Variants in UNC5C observed in about 807,000 individuals in gnomAD.
UNC5C encodes the protein netrin receptor UNC5C.
UNC5C carries 47 observed loss-of-function variants against 99.8 expected under a neutral mutation model. The observed-to-expected ratio is 0.47, with a 90% CI of 0.37 to 0.60. The LOEUF is 0.60. Ranked by LOEUF, UNC5C falls within the 20% of genes least tolerant of loss-of-function variation. UNC5C has a pLI of 0.00. For missense variants in UNC5C, 1,062 were observed against 1,165.9 expected (o/e 0.91, Z 1.30); for synonymous variants, 487 against 452.2 (o/e 1.08, Z -0.98).
chr4:95,469,713 T>C (rs1412867898), intron 1 of UNC5C, among the ~76,000 whole-genome samples: 2 of 152,122 alleles, frequency 1.3e-5, no homozygotes, highest in African/African-American at 4.8e-5. Context: ...TTTTTCTGCT[T>C]CTTGGGAGCA....
At chr4:95,475,539 A>G (rs1319680040) in intron 1 of UNC5C, among the ~76,000 whole-genome samples, 2 of 150,324 alleles carry the variant, frequency 1.3e-5, no homozygotes, top group Non-Finnish European at 2.9e-5. Flanking sequence ...AGACAGATAG[A>G]CAGACAGATG....
At chr4:95,249,036 C>T (rs1209442471) in intron 5 of UNC5C, among the ~76,000 whole-genome samples, 2 of 152,066 alleles carry the variant, frequency 1.3e-5, no homozygotes, top group East Asian at 3.9e-4. Context: ...TTTATAGCAC[C>T]TTTTCTATGT....
intron 3 of UNC5C, among the ~76,000 whole-genome samples, chr4:95,298,780 C>A (rs1019239514): frequency 1.2e-4 from 19 of 152,092 alleles, no homozygotes; most frequent in African/African-American, 4.3e-4. Context: ...TAGTACCAAC[C>A]CCAATACCCA....
At position 95,381,327 on chromosome 4, in the gene UNC5C, C is replaced by T. The variant is rs374614973; in HGVS notation, c.125-45696G>A. Among the ~76,000 whole-genome samples the T allele has an allele frequency of 2.4e-4, 37 of 152,148 alleles. No individual in the cohort carries two copies. In the East Asian group the frequency reaches 3.3e-3, roughly 14 times the overall value. ...TTCTGTGACATTATTTATGAATGTA[C>T]GGAATGGCCTGAAGTTCACAGCAGA... On this transcript the variant is annotated intron_variant, in intron 1 of 15. Transcript: ENST00000453304.
At chr4:95,427,312 A>G (rs1431123690) in intron 1 of UNC5C, among the ~76,000 whole-genome samples, 1 of 152,238 alleles carries the variant, frequency 6.6e-6, no homozygotes, top group Non-Finnish European at 1.5e-5. Flanking sequence ...AGAATATGAT[A>G]TAAACTTAGT....
chr4:95,202,632 G>A (rs950971541), intron 12 of UNC5C, 99 bp downstream of exon 12: 2 of 1,163,140 alleles, frequency 1.7e-6, no homozygotes, highest in African/African-American at 3.1e-5. Flanking sequence ...CACACACTTG[G>A]GTGCACACAC....
At chr4:95,316,811 T>C (rs1742492975) in intron 2 of UNC5C, among the ~76,000 whole-genome samples, 1 of 152,102 alleles carries the variant, frequency 6.6e-6, no homozygotes, top group South Asian at 2.1e-4. Context: ...AGTTTCTTGG[T>C]ATTCAGCAAG....
In UNC5C at chr4:95,218,950, T is replaced by G. The variant is rs1738356783; in HGVS notation, c.1645+19A>C. On this transcript the variant is annotated intron_variant, in intron 9 of 15. Coordinates refer to ENST00000453304, the MANE Select transcript of UNC5C (RefSeq NM_003728.4). ...ATGTTTCAAGCTGCCTCTTTGCAATTTAAACCTCTAGGAATTACCTGAATT... is the reference window on the plus strand; with the variant it reads ...ATGTTTCAAGCTGCCTCTTTGCAATGTAAACCTCTAGGAATTACCTGAATT... 1 of 1,559,850 alleles carries G rather than the reference T, an allele frequency of 6.4e-7. No individual in the cohort carries two copies. Among genetic ancestry groups the G allele is most frequent in the African/African-American group, 1.4e-5 (1 of 72,940 alleles).
intron 1 of UNC5C, among the ~76,000 whole-genome samples, chr4:95,398,009 G>T (rs1275406502): frequency 7.0e-6 from 1 of 142,626 alleles, no homozygotes; most frequent in Non-Finnish European, 1.5e-5. Flanking sequence ...GCACCCTTGG[G>T]ACACAATTTC....
At chr4:95,520,395 G>C (rs1031915571) in intron 1 of UNC5C, among the ~76,000 whole-genome samples, 1 of 152,016 alleles carries the variant, frequency 6.6e-6, no homozygotes, top group African/African-American at 2.4e-5. Context: ...GGTTATATTA[G>C]TTGGTGTGAC....
intron 1 of UNC5C, among the ~76,000 whole-genome samples, chr4:95,372,938 T>TTTA (rs1159180525): frequency 1.3e-5 from 2 of 152,164 alleles, no homozygotes; most frequent in African/African-American, 4.8e-5. Context: ...AGCTACACCA[T>TTTA]CACAGGAGAG....
At chr4:95,474,584 C>T (rs943964391) in intron 1 of UNC5C, among the ~76,000 whole-genome samples, 8 of 151,934 alleles carry the variant, frequency 5.3e-5, no homozygotes, top group Non-Finnish European at 1.0e-4. Context: ...CACTGTGCCT[C>T]GCCTATGGTA....
intron 1 of UNC5C, among the ~76,000 whole-genome samples, chr4:95,462,541 ACTT>A (rs1747635158): frequency 6.6e-6 from 1 of 152,216 alleles, no homozygotes; most frequent in African/African-American, 2.4e-5. Context: ...TTCTAGGGTA[ACTT>A]CTTGTAATAT....
intron 1 of UNC5C, among the ~76,000 whole-genome samples, chr4:95,364,483 A>C (rs1744492817): frequency 6.6e-6 from 1 of 152,150 alleles, no homozygotes; most frequent in Non-Finnish European, 1.5e-5. Flanking sequence ...TATTGACACT[A>C]TGATTGCTTT....
At chr4:95,503,383 T>C (rs1475765364) in intron 1 of UNC5C, among the ~76,000 whole-genome samples, 1 of 152,182 alleles carries the variant, frequency 6.6e-6, no homozygotes, top group Non-Finnish European at 1.5e-5. Flanking sequence ...TATTCTGTTA[T>C]AGCAACACAA....
chr4:95,379,411 T>G (rs1326455542), intron 1 of UNC5C, among the ~76,000 whole-genome samples: 1 of 152,200 alleles, frequency 6.6e-6, no homozygotes, highest in African/African-American at 2.4e-5. Context: ...AACAAGCAAT[T>G]ATCTAAGCTT....
chr4:95,323,836 G>A (rs1213991211), intron 2 of UNC5C, among the ~76,000 whole-genome samples: 1 of 152,154 alleles, frequency 6.6e-6, no homozygotes, highest in East Asian at 1.9e-4. Flanking sequence ...AGGAGTTCAA[G>A]ACCAGCCTGG....
At chr4:95,235,379 A>G (rs1739071775) in intron 7 of UNC5C, among the ~76,000 whole-genome samples, 1 of 152,164 alleles carries the variant, frequency 6.6e-6, no homozygotes, top group African/African-American at 2.4e-5. Flanking sequence ...GATTCTGGAT[A>G]TTAGCCCTTT....
chr4:95,459,095 T>A (rs2149470198), intron 1 of UNC5C, among the ~76,000 whole-genome samples: 1 of 152,248 alleles, frequency 6.6e-6, no homozygotes, highest in Non-Finnish European at 1.5e-5. Flanking sequence ...CCACTACATC[T>A]ATTTTTAGAA....
Sources: gnomAD v4.1 joint callset for allele counts (sites outside exome capture counted in the v4.1 genomes callset) on GRCh38, gnomAD v4.1.1 for gene constraint, MANE v1.5 for transcripts, NCBI Gene and HGNC (gene_info 2026-07-23, HGNC 2026-07-21) for gene names.